SAXO1: variants seen among roughly 807,000 people sequenced by gnomAD.
SAXO1 encodes the protein 4930500O09Rik.
In SAXO1, 21 loss-of-function variants were observed where a neutral mutation model predicts 17.5. The ratio of observed to expected loss-of-function variants is 1.20; its 90% CI spans 0.85 to 1.72. The LOEUF (loss-of-function observed/expected upper bound fraction) is 1.72. Among genes scored for constraint, SAXO1 ranks in the 40% most tolerant of loss-of-function variants. The pLI is 0.00. For missense variants in SAXO1, 843 were observed against 596.0 expected (o/e 1.41, Z -4.32); for synonymous variants, 274 against 216.5 (o/e 1.27, Z -2.33).
chr9:19,025,055 G>A (rs1172162507), intron 1 of SAXO1, among the ~76,000 whole-genome samples: 1 of 152,156 alleles, frequency 6.6e-6, no homozygotes, highest in African/African-American at 2.4e-5. Context: ...CATTTTATAA[G>A]ATGAAAGGTA....
At chr9:19,037,172 G>T (rs917876420), upstream of SAXO1, among the ~76,000 whole-genome samples, 9 of 152,232 alleles carry the variant, frequency 5.9e-5, no homozygotes, top group Non-Finnish European at 1.2e-4. Context: ...TATCTAGGAA[G>T]TAACTAGCTT....
chr9:18,968,195 C>T (rs1021149978), intron 1 of SAXO1, among the ~76,000 whole-genome samples: 5 of 152,184 alleles, frequency 3.3e-5, no homozygotes, highest in African/African-American at 9.7e-5. Context: ...TTTATTCAGC[C>T]ATCTTGCCAG....
intron 1 of SAXO1, among the ~76,000 whole-genome samples, chr9:19,047,077 C>A (rs892069307): frequency 2.0e-5 from 3 of 152,190 alleles, no homozygotes; most frequent in African/African-American, 7.2e-5. Context: ...ATACCAGCTA[C>A]TCGGGAGGCT....
chr9:18,942,872 T>C (rs952015182), intron 2 of SAXO1, among the ~76,000 whole-genome samples: 2 of 152,230 alleles, frequency 1.3e-5, no homozygotes, highest in African/African-American at 2.4e-5. Flanking sequence ...CACAACAAAC[T>C]GTTTTTGCCT....
At chr9:18,996,609 T>C (rs1169606951) in intron 1 of SAXO1, among the ~76,000 whole-genome samples, 1 of 152,082 alleles carries the variant, frequency 6.6e-6, no homozygotes, top group Non-Finnish European at 1.5e-5. Flanking sequence ...AATATGCATC[T>C]CTACAAAAAA....
At chr9:19,046,263 A>C (rs1588581482) in intron 1 of SAXO1, among the ~76,000 whole-genome samples, 1 of 152,154 alleles carries the variant, frequency 6.6e-6, no homozygotes, top group East Asian at 1.9e-4. Context: ...AACAATTAGA[A>C]CAGCCTGTGG....
chr9:18,985,622 C>T (rs921879457), intron 1 of SAXO1, among the ~76,000 whole-genome samples: 37 of 152,212 alleles, frequency 2.4e-4, no homozygotes, highest in Admixed American at 2.0e-3. Flanking sequence ...GGGCAGAGAC[C>T]CAGCACCTCA....
intron 1 of SAXO1, among the ~76,000 whole-genome samples, chr9:19,009,601 G>A (rs1384662001): frequency 6.6e-6 from 1 of 152,082 alleles, no homozygotes; most frequent in Non-Finnish European, 1.5e-5. Flanking sequence ...GCAGAGAGGA[G>A]TACACAGAAT....
At chr9:19,043,937 G>C (rs1409800704) in intron 1 of SAXO1, among the ~76,000 whole-genome samples, 3 of 152,052 alleles carry the variant, frequency 2.0e-5, no homozygotes, top group African/African-American at 7.2e-5. Context: ...CTGAGATCGG[G>C]AGTTCGAGAC....
chr9:18,969,494 A>G (rs1338571506), intron 1 of SAXO1, among the ~76,000 whole-genome samples: 1 of 152,200 alleles, frequency 6.6e-6, no homozygotes, highest in African/African-American at 2.4e-5. Context: ...TTAAAACAGT[A>G]ACTGTTCATG....
At chr9:18,959,411 T>A in intron 1 of SAXO1, among the ~76,000 whole-genome samples, 1 of 151,786 alleles carries the variant, frequency 6.6e-6, no homozygotes, top group East Asian at 1.9e-4. Flanking sequence ...GAGAGAAGAA[T>A]CAGAGCCAGG....
At chr9:18,990,939 T>C (rs1833788333) in intron 1 of SAXO1, among the ~76,000 whole-genome samples, 1 of 152,132 alleles carries the variant, frequency 6.6e-6, no homozygotes. Flanking sequence ...AATTATTATA[T>C]ATTACAATAT....
chr9:19,022,507 ACAGATTGTATGT>A (rs1255595832), intron 1 of SAXO1, among the ~76,000 whole-genome samples: 1 of 152,236 alleles, frequency 6.6e-6, no homozygotes, highest in East Asian at 1.9e-4. Context: ...GCTGTTGTTC[ACAGATTGTATGT>A]AGAGTTTTTT....
intron 1 of SAXO1, among the ~76,000 whole-genome samples, chr9:18,957,700 C>T (rs537040490): frequency 1.2e-4 from 19 of 152,138 alleles, no homozygotes; most frequent in African/African-American, 4.6e-4. Context: ...TTCTAGGGTG[C>T]CTGGAATAGC....
intron 1 of SAXO1, among the ~76,000 whole-genome samples, chr9:18,968,411 T>A (rs1832813066): frequency 6.6e-6 from 1 of 152,220 alleles, no homozygotes. Context: ...TCAATGTTAA[T>A]GATAGAATCT....
intron 2 of SAXO1, among the ~76,000 whole-genome samples, chr9:18,947,168 G>C (rs993273646): frequency 8.5e-5 from 13 of 152,214 alleles, no homozygotes; most frequent in Non-Finnish European, 4.4e-5. Flanking sequence ...AGGCTATGGA[G>C]GCTAAGTATA....
At chr9:18,956,092 C>A (rs188828878) in intron 1 of SAXO1, among the ~76,000 whole-genome samples, 1 of 150,708 alleles carries the variant, frequency 6.6e-6, no homozygotes, top group Admixed American at 6.7e-5. Flanking sequence ...AGGCATGCAC[C>A]ACTGCACAAC....
chr9:18,950,119 C>T (rs1290947707), intron 2 of SAXO1, among the ~76,000 whole-genome samples: 8 of 152,188 alleles, frequency 5.3e-5, no homozygotes, highest in Non-Finnish European at 1.0e-4. Context: ...TCTGCACCCC[C>T]TCAGTAGAAA....
intron 1 of SAXO1, among the ~76,000 whole-genome samples, chr9:18,971,492 G>A (rs1480449824): frequency 6.6e-6 from 1 of 151,912 alleles, no homozygotes; most frequent in East Asian, 1.9e-4. Flanking sequence ...AATGATTTTA[G>A]AAAAAAATGC....
Sources: allele counts gnomAD v4.1 joint callset (sites outside exome capture counted in the v4.1 genomes callset), GRCh38; gene constraint gnomAD v4.1.1; transcripts MANE v1.5; gene names NCBI Gene and HGNC (gene_info 2026-07-23, HGNC 2026-07-21).